Variants in CAPS2 observed in about 807,000 individuals in gnomAD.
The protein encoded by CAPS2 is calcyphosine 2, also known as calcyphosin-2.
A neutral mutation model predicts 86.5 loss-of-function variants in CAPS2; 98 were observed. The observed-to-expected ratio is 1.13, with a 90% CI of 0.96 to 1.34. The LOEUF (loss-of-function observed/expected upper bound fraction) is 1.34, where lower values mean the gene tolerates loss of function less well. Among genes scored for constraint, CAPS2 ranks in the 40% most tolerant of loss-of-function variants. CAPS2 has a pLI of 0.00. For missense variants in CAPS2, 729 were observed against 686.8 expected, an observed-to-expected ratio of 1.06 and a Z score of -0.69; for synonymous variants, 210 against 225.1, an observed-to-expected ratio of 0.93 and a Z score of 0.60.
chr12:75,371,028 C>CTAGGTTATA, intron 1 of CAPS2: 1 of 152,282 alleles, frequency 6.6e-6, no homozygotes, highest in African/African-American at 2.4e-5. Flanking sequence ...GACAGAACTA[C>CTAGGTTATA]TAGGTTATAT....
upstream of CAPS2, chr12:75,329,746 A>T (rs769583145): frequency 8.5e-7 from 1 of 1,171,170 alleles, no homozygotes; most frequent in South Asian, 1.7e-5. Flanking sequence ...AACTTAGGTC[A>T]TTCCTAATTT....
chr12:75,375,037 A>AT (rs2044577056), intron 1 of CAPS2, among the ~76,000 whole-genome samples: 1 of 152,140 alleles, frequency 6.6e-6, no homozygotes, highest in Non-Finnish European at 1.5e-5. Flanking sequence ...AATCTCTGCA[A>AT]TCCCCCCAGG....
At chr12:75,340,849 A>G (rs1432947578) in intron 1 of CAPS2, among the ~76,000 whole-genome samples, 1 of 152,154 alleles carries the variant, frequency 6.6e-6, no homozygotes, top group Non-Finnish European at 1.5e-5. Context: ...ATTAGCCATT[A>G]GTGAAATGCA....
At chr12:75,349,538 C>T (rs1397161294) in intron 1 of CAPS2, among the ~76,000 whole-genome samples, 1 of 152,086 alleles carries the variant, frequency 6.6e-6, no homozygotes, top group Non-Finnish European at 1.5e-5. Flanking sequence ...GCAGAACTTA[C>T]ACAGATGTTA....
At position 75,380,111 on chromosome 12, in the gene CAPS2, T is replaced by A. The variant is rs180784143; in HGVS notation, c.-395+10727A>T. Among the ~76,000 whole-genome samples, 80 of 152,194 alleles carry A rather than the reference T, an allele frequency of 5.3e-4. No homozygotes were observed. In the East Asian group the frequency reaches 0.013, roughly 25 times the overall value. ...CCTAAAAAGGATGAGGTAAAATAAA[T>A]TTAAAAATAAGTGTTAAAGAGATGT... On this transcript the variant is annotated intron_variant, in intron 1 of 5. Transcript: ENST00000551829.
intron 7 of CAPS2, among the ~76,000 whole-genome samples, chr12:75,308,676 A>G (rs1432023766): frequency 6.6e-6 from 1 of 152,142 alleles, no homozygotes; most frequent in Non-Finnish European, 1.5e-5. Flanking sequence ...AGGGGAAATG[A>G]GGCAGGAAAA....
At chr12:75,359,110 T>C (rs1460402975) in intron 1 of CAPS2, among the ~76,000 whole-genome samples, 1 of 150,354 alleles carries the variant, frequency 6.7e-6, no homozygotes, top group Non-Finnish European at 1.5e-5. Context: ...TAGCAATCTT[T>C]TAGGATACAA....
rs528909914 is a variant in CAPS2, at chr12:75,340,055, T to C, written c.-394-16833A>G. ...ATTAGAATAATGGTCTCCAACTCCA[T>C]CCAGGTTGCTGCAAATGCCATTATT... On this transcript the variant is annotated intron_variant, in intron 1 of 5. Coordinates refer to the CAPS2 transcript ENST00000551829. Among the ~76,000 whole-genome samples, 15 of 152,136 alleles carry C rather than the reference T, an allele frequency of 9.9e-5. No homozygotes were observed. The South Asian group carries it at 2.7e-3, about 27-fold the overall frequency.
chr12:75,366,950 G>T, intron 1 of CAPS2: 1 of 701,792 alleles, frequency 1.4e-6, no homozygotes, highest in Non-Finnish European at 2.6e-6. Context: ...TCAGTCCCCA[G>T]TCACCCAAGG....
chr12:75,327,205 C>G (rs549325752), upstream of CAPS2, among the ~76,000 whole-genome samples: 3 of 152,300 alleles, frequency 2.0e-5, no homozygotes, highest in African/African-American at 7.2e-5. Context: ...TTCTCTAATA[C>G]CACCATGACA....
At chr12:75,306,051 A>T in intron 7 of CAPS2, 1 of 1,466,424 alleles carries the variant, frequency 6.8e-7, no homozygotes. Flanking sequence ...CGCCAGAGAC[A>T]GCGCCGTCTA....
chr12:75,326,521 C>T, upstream of CAPS2: 1 of 1,459,108 alleles, frequency 6.9e-7, no homozygotes, highest in Non-Finnish European at 9.4e-7. Flanking sequence ...GTTTATCATG[C>T]AGTATACTTT....
intron 1 of CAPS2, among the ~76,000 whole-genome samples, chr12:75,337,900 A>T (rs1243256306): frequency 6.6e-6 from 1 of 152,062 alleles, no homozygotes; most frequent in Admixed American, 6.5e-5. Context: ...ACCCAATATA[A>T]ATCTTTTAAC....
chr12:75,281,753 T>G (rs1382133463), intron 16 of CAPS2, among the ~76,000 whole-genome samples: 1 of 151,998 alleles, frequency 6.6e-6, no homozygotes, highest in African/African-American at 2.4e-5. Context: ...TGTAAAAAAG[T>G]TAGAAAAAAT....
intron 1 of CAPS2, among the ~76,000 whole-genome samples, chr12:75,358,832 T>C (rs190324889): frequency 4.8e-4 from 69 of 143,474 alleles, no homozygotes; most frequent in African/African-American, 1.7e-3. Context: ...ATATAATATA[T>C]AACAATATAT....
chr12:75,330,428 T>C (rs547868185), upstream of CAPS2, among the ~76,000 whole-genome samples: 25 of 152,234 alleles, frequency 1.6e-4, no homozygotes, highest in East Asian at 3.5e-3. Flanking sequence ...TCCACGGCGG[T>C]TGTTGTGTAA....
At chr12:75,353,364 C>T (rs2042940334) in intron 1 of CAPS2, among the ~76,000 whole-genome samples, 1 of 152,188 alleles carries the variant, frequency 6.6e-6, no homozygotes, top group African/African-American at 2.4e-5. Context: ...ATACTATAAA[C>T]ACCTCTGTGC....
At chr12:75,297,199 A>G (rs982722377) in intron 11 of CAPS2, among the ~76,000 whole-genome samples, 2 of 152,204 alleles carry the variant, frequency 1.3e-5, no homozygotes, top group Non-Finnish European at 2.9e-5. Context: ...CATAAACTAC[A>G]CTAAATTTTT....
chr12:75,390,757 A>G, intron 1 of CAPS2: 2 of 498,616 alleles, frequency 4.0e-6, no homozygotes, highest in Admixed American at 4.6e-5. Flanking sequence ...TGACTCATTA[A>G]TAACGACATA....
Sources: gnomAD v4.1 joint callset for allele counts (sites outside exome capture counted in the v4.1 genomes callset) on GRCh38, gnomAD v4.1.1 for gene constraint, MANE v1.5 for transcripts, NCBI Gene and HGNC (gene_info 2026-07-23, HGNC 2026-07-21) for gene names.